ANKRD42: variants seen among roughly 807,000 people sequenced by gnomAD.
ANKRD42 encodes ankyrin repeat domain 42.
A neutral mutation model predicts 51.5 loss-of-function variants in ANKRD42; 43 were observed. The ratio of observed to expected loss-of-function variants is 0.83; its 90% CI spans 0.65 to 1.08. The LOEUF (loss-of-function observed/expected upper bound fraction) is 1.08. Among genes scored for constraint, ANKRD42 ranks in the 50% least tolerant of loss-of-function variants. ANKRD42 has a pLI of 0.00. For missense variants in ANKRD42, 608 were observed against 629.3 expected (o/e 0.97, Z 0.36); for synonymous variants, 203 against 213.0 (o/e 0.95, Z 0.41).
At chr11:83,204,398 C>G (rs536860433) in intron 2 of ANKRD42, among the ~76,000 whole-genome samples, 1 of 152,256 alleles carries the variant, frequency 6.6e-6, no homozygotes, top group East Asian at 1.9e-4. Flanking sequence ...CGAAAAACCA[C>G]ATATTTTCAC....
At chr11:83,252,752 A>G (rs1863697005), downstream of ANKRD42, among the ~76,000 whole-genome samples, 1 of 152,084 alleles carries the variant, frequency 6.6e-6, no homozygotes, top group African/African-American at 2.4e-5. Flanking sequence ...ACTTTGTAAA[A>G]ATTCATCAAG....
intron 5 of ANKRD42, among the ~76,000 whole-genome samples, chr11:83,224,590 AT>A (rs1185003999): frequency 1.3e-5 from 2 of 152,110 alleles, no homozygotes; most frequent in Admixed American, 6.6e-5. Flanking sequence ...CTAATGTGTT[AT>A]TTCTTTTTTC....
At chr11:83,204,653 A>G (rs955923581) in intron 2 of ANKRD42, among the ~76,000 whole-genome samples, 1 of 152,162 alleles carries the variant, frequency 6.6e-6, no homozygotes, top group Non-Finnish European at 1.5e-5. Context: ...AAAAAAGAAA[A>G]TGAAGCTTGA....
intron 6 of ANKRD42, among the ~76,000 whole-genome samples, chr11:83,225,950 T>C (rs1185731960): frequency 6.6e-6 from 1 of 152,150 alleles, no homozygotes; most frequent in African/African-American, 2.4e-5. Flanking sequence ...AGTTGGGGTC[T>C]CACTATGTTT....
intron 8 of ANKRD42, among the ~76,000 whole-genome samples, chr11:83,239,292 G>A (rs1484805628): frequency 6.6e-6 from 1 of 152,070 alleles, no homozygotes; most frequent in East Asian, 1.9e-4. Context: ...GAGTTTTAAA[G>A]GTTCTTTGTA....
intron 11 of ANKRD42, among the ~76,000 whole-genome samples, chr11:83,254,321 C>T (rs747028865): frequency 6.6e-6 from 1 of 152,018 alleles, no homozygotes; most frequent in South Asian, 2.1e-4. Flanking sequence ...AAATTGGCTA[C>T]ATCTGACAAG....
At chr11:83,206,459 T>C (rs149548096) in intron 3 of ANKRD42, among the ~76,000 whole-genome samples, 1 of 152,328 alleles carries the variant, frequency 6.6e-6, no homozygotes, top group East Asian at 1.9e-4. Flanking sequence ...AATGTTTGTG[T>C]CCTCCAAAAT....
chr11:83,209,816 A>G, intron 3 of ANKRD42: 1 of 544,464 alleles, frequency 1.8e-6, no homozygotes, highest in Non-Finnish European at 3.3e-6. Flanking sequence ...CACCACCACC[A>G]TAGCCCAGCC....
chr11:83,238,977 C>T (rs1863305648), intron 8 of ANKRD42, among the ~76,000 whole-genome samples: 1 of 149,824 alleles, frequency 6.7e-6, no homozygotes, highest in Admixed American at 6.6e-5. Flanking sequence ...CCACAGCACT[C>T]CAACCTAGGC....
chr11:83,224,814 A>T (rs758611371), intron 5 of ANKRD42, 41 bp from the exon 6 acceptor site: 10 of 1,461,976 alleles, frequency 6.8e-6, no homozygotes, highest in South Asian at 1.4e-5. Context: ...TAAAAATTTT[A>T]AAAAATAAAA....
At chr11:83,257,065 T>G (rs183669996), downstream of ANKRD42, among the ~76,000 whole-genome samples, 1 of 152,056 alleles carries the variant, frequency 6.6e-6, no homozygotes, top group Non-Finnish European at 1.5e-5. Context: ...GAACTAAAAA[T>G]AGTGAATATA....
intron 9 of ANKRD42, among the ~76,000 whole-genome samples, chr11:83,243,798 A>C (rs1863459648): frequency 6.8e-6 from 1 of 147,964 alleles, no homozygotes; most frequent in Non-Finnish European, 1.5e-5. Context: ...AGTAGCTGGG[A>C]CTACAGGCAC....
chr11:83,233,669 G>T (rs12272540), intron 7 of ANKRD42, among the ~76,000 whole-genome samples: 1 of 151,870 alleles, frequency 6.6e-6, no homozygotes, highest in Non-Finnish European at 1.5e-5. Flanking sequence ...TGCATCATTA[G>T]ATTTTGTTTT....
intron 5 of ANKRD42, chr11:83,213,438 AC>A (rs1862405771): frequency 6.8e-7 from 1 of 1,462,998 alleles, no homozygotes; most frequent in African/African-American, 1.4e-5. Flanking sequence ...TTTAAATAAA[AC>A]TGTAAAAACT....
At chr11:83,254,424 TTTTTTCTTTTC>T (rs1863728772) in intron 11 of ANKRD42, among the ~76,000 whole-genome samples, 1 of 127,258 alleles carries the variant, frequency 7.9e-6, no homozygotes, top group East Asian at 2.4e-4. Flanking sequence ...AGTGTTTTTC[TTTTTTCTTTTC>T]TTTTTTTTTT....
At chr11:83,245,461 A>G in intron 9 of ANKRD42, 37 bp from the exon 10 acceptor site, 1 of 1,531,166 alleles carries the variant, frequency 6.5e-7, no homozygotes, top group Non-Finnish European at 8.7e-7. Context: ...GAGCTGTTAT[A>G]TGTCTAACTA....
chr11:83,238,760 G>A (rs1378261026), intron 8 of ANKRD42, among the ~76,000 whole-genome samples: 5 of 151,992 alleles, frequency 3.3e-5, no homozygotes. Context: ...AACCTGGGAG[G>A]TGGAGGTTGC....
At chr11:83,233,076 A>G (rs1190515749) in intron 7 of ANKRD42, among the ~76,000 whole-genome samples, 1 of 152,134 alleles carries the variant, frequency 6.6e-6, no homozygotes, top group African/African-American at 2.4e-5. Flanking sequence ...TTTTGGAGTC[A>G]GGGTAATACT....
At chr11:83,257,840 C>T (rs185259927), downstream of ANKRD42, among the ~76,000 whole-genome samples, 23 of 152,306 alleles carry the variant, frequency 1.5e-4, no homozygotes, top group African/African-American at 5.5e-4. Flanking sequence ...CACCCTGTGG[C>T]AGAGGTTCCC....
Sources: gnomAD v4.1 joint callset for allele counts (sites outside exome capture counted in the v4.1 genomes callset) on GRCh38, gnomAD v4.1.1 for gene constraint, MANE v1.5 for transcripts, NCBI Gene and HGNC (gene_info 2026-07-23, HGNC 2026-07-21) for gene names.